Variants in SVIL observed in about 807,000 individuals in gnomAD.
SVIL encodes the protein archvillin.
Under a neutral mutation model 240.4 loss-of-function variants are expected in SVIL, and 101 were observed. The observed-to-expected ratio is 0.42, with a 90% CI of 0.36 to 0.50. The LOEUF (loss-of-function observed/expected upper bound fraction) is 0.50. SVIL is among the 20% of genes least tolerant of loss of function. The probability of loss-of-function intolerance (pLI) is 0.01; values close to 1 mark genes in which losing one functional copy is unlikely to be tolerated. For missense variants in SVIL, 2,512 were observed against 2,818.7 expected (o/e 0.89, Z 2.46); for synonymous variants, 999 against 1,100.0 (o/e 0.91, Z 1.82).
rs11007607 is a variant in SVIL at position 29,470,296 on chromosome 10, A to G, written c.5823T>C (p.Ala1941=). 0.22 allele frequency: 360,062 copies of G among 1,613,954 alleles called. 41,061 individuals are homozygous for G. The highest frequency in any genetic ancestry group is 0.27 in the African/African-American group (20,378 of 74,984). Residue 1941 remains alanine, a synonymous_variant, in exon 32 of 38, where the codon GCT becomes GCC. Transcript: ENST00000355867. The part of the protein sequence containing the change: ...QAHTKEVGRT[A]ANKIKEQCPL... ...CTCACTGTTCCTTGATCTTGTTCGC[A>G]GCGGTCCTTCCGACCTCCTTCGTGT...
At chr10:29,712,280 C>T (rs1345980822) in intron 1 of SVIL, among the ~76,000 whole-genome samples, 1 of 152,144 alleles carries the variant, frequency 6.6e-6, no homozygotes, top group African/African-American at 2.4e-5. Context: ...GTGTTTAGGT[C>T]ATGGGCGTGG....
intron 36 of SVIL, among the ~76,000 whole-genome samples, chr10:29,461,099 G>A (rs977352157): frequency 3.9e-5 from 6 of 152,066 alleles, no homozygotes; most frequent in Non-Finnish European, 5.9e-5. Flanking sequence ...TGAGACTTAT[G>A]TCCTGTTCCC....
intron 1 of SVIL, among the ~76,000 whole-genome samples, chr10:29,608,776 T>C (rs968108743): frequency 6.6e-6 from 1 of 152,144 alleles, no homozygotes; most frequent in Non-Finnish European, 1.5e-5. Context: ...ATGGATGGCA[T>C]GTTGATGGCA....
chr10:29,731,177 G>GA (rs397792176), intron 1 of SVIL, among the ~76,000 whole-genome samples: 3 of 28,924 alleles, frequency 1.0e-4, no homozygotes, highest in African/African-American at 8.0e-4. Flanking sequence ...CCTCATACTT[G>GA]AAGTATTTGT....
chr10:29,602,970 G>C (rs1360044325), intron 1 of SVIL, among the ~76,000 whole-genome samples: 3 of 151,950 alleles, frequency 2.0e-5, no homozygotes, highest in Non-Finnish European at 2.9e-5. Flanking sequence ...TGGGCAACAA[G>C]AGAGAAACTC....
intron 5 of SVIL, among the ~76,000 whole-genome samples, chr10:29,553,869 A>C (rs1953630515): frequency 6.6e-6 from 1 of 152,336 alleles, no homozygotes; most frequent in East Asian, 1.9e-4. Context: ...TACTCATTCA[A>C]GGTGCAGCTT....
chr10:29,692,698 G>T (rs532751645), intron 1 of SVIL, among the ~76,000 whole-genome samples: 1 of 151,534 alleles, frequency 6.6e-6, no homozygotes, highest in Non-Finnish European at 1.5e-5. Context: ...TCCCTATGTT[G>T]CCCAGATTGG....
At chr10:29,730,001 G>A (rs1964528397) in intron 1 of SVIL, among the ~76,000 whole-genome samples, 1 of 151,016 alleles carries the variant, frequency 6.6e-6, no homozygotes, top group African/African-American at 2.4e-5. Flanking sequence ...ACCAGCCTGG[G>A]CAACATTTCT....
At chr10:29,608,273 G>T (rs1481201853) in intron 1 of SVIL, among the ~76,000 whole-genome samples, 2 of 152,248 alleles carry the variant, frequency 1.3e-5, no homozygotes, top group Admixed American at 6.5e-5. Flanking sequence ...AAGTCCTCTG[G>T]TTGAGACACC....
chr10:29,524,087 T>A, intron 14 of SVIL, 60 bp from the exon 15 acceptor site: 2 of 1,459,224 alleles, frequency 1.4e-6, no homozygotes, highest in Non-Finnish European at 1.8e-6. Flanking sequence ...ATATAAATCC[T>A]GGTTTATGAA....
intron 1 of SVIL, among the ~76,000 whole-genome samples, chr10:29,622,832 T>C (rs1414972162): frequency 1.3e-5 from 2 of 152,312 alleles, no homozygotes; most frequent in African/African-American, 2.4e-5. Flanking sequence ...AGCACCTCCA[T>C]GCAAACCGCT....
intron 1 of SVIL, among the ~76,000 whole-genome samples, chr10:29,731,160 C>T (rs867771052): frequency 7.9e-6 from 1 of 127,372 alleles, no homozygotes; most frequent in Middle Eastern, 4.1e-3. Flanking sequence ...GCTGCCTCTG[C>T]TCTAGCCCTC....
chr10:29,713,155 G>A (rs563215923), intron 1 of SVIL, among the ~76,000 whole-genome samples: 44 of 151,582 alleles, frequency 2.9e-4, no homozygotes, highest in Middle Eastern at 3.4e-3. Flanking sequence ...CAGCCTAAGC[G>A]ACAGAGTGAC....
intron 1 of SVIL, among the ~76,000 whole-genome samples, chr10:29,697,030 C>T (rs1387431192): frequency 2.1e-5 from 3 of 140,468 alleles, no homozygotes; most frequent in Non-Finnish European, 4.7e-5. Flanking sequence ...GCTCAGCCCC[C>T]CGCCCGGCCA....
chr10:29,458,991 AT>A (rs34388233), intron 36 of SVIL, among the ~76,000 whole-genome samples: 16,278 of 123,828 alleles, frequency 0.13, 874 homozygotes, highest in East Asian at 0.24. Context: ...TTCCTTTTCC[AT>A]TTTTTTTTTT....
chr10:29,702,711 C>G (rs1029512316), intron 1 of SVIL, among the ~76,000 whole-genome samples: 1 of 152,212 alleles, frequency 6.6e-6, no homozygotes, highest in Non-Finnish European at 1.5e-5. Flanking sequence ...AGACCTTTGA[C>G]CTTTGATGAC....
intron 29 of SVIL, among the ~76,000 whole-genome samples, chr10:29,476,299 A>G (rs1946187463): frequency 6.6e-6 from 1 of 152,278 alleles, no homozygotes; most frequent in African/African-American, 2.4e-5. Flanking sequence ...GAAATCTGTT[A>G]GCACTCAAAT....
At chr10:29,617,132 G>A (rs934298644) in intron 1 of SVIL, among the ~76,000 whole-genome samples, 5 of 152,172 alleles carry the variant, frequency 3.3e-5, no homozygotes, top group East Asian at 3.9e-4. Context: ...AGTTGCTTCC[G>A]CACAATTGTT....
chr10:29,496,632 T>C (rs531937137), intron 18 of SVIL: 50 of 269,200 alleles, frequency 1.9e-4, no homozygotes, highest in African/African-American at 1.0e-3. Context: ...CCTTAGGGAA[T>C]GAATGGCTCA....
Sources: allele counts gnomAD v4.1 joint callset (sites outside exome capture counted in the v4.1 genomes callset), GRCh38; gene constraint gnomAD v4.1.1; transcripts MANE v1.5; gene names NCBI Gene and HGNC (gene_info 2026-07-23, HGNC 2026-07-21).